Variants in HECW1 observed in about 807,000 individuals in gnomAD.
The protein encoded by HECW1 is HECT, C2 and WW domain containing E3 ubiquitin protein ligase 1, also known as E3 ubiquitin-protein ligase HECW1.
In HECW1, 61 loss-of-function variants were observed where a neutral mutation model predicts 182.3. The ratio of observed to expected loss-of-function variants is 0.33; its 90% CI spans 0.27 to 0.41. HECW1 has a LOEUF of 0.41. Ranked by LOEUF, HECW1 falls within the 10% of genes least tolerant of loss-of-function variation. The pLI, the probability that HECW1 is intolerant of heterozygous loss-of-function variation, is 1.00. For synonymous variants in HECW1, 859 were observed against 832.6 expected, an observed-to-expected ratio of 1.03 and a Z score of -0.55; for missense variants, 1,739 against 2,108.9, an observed-to-expected ratio of 0.82 and a Z score of 3.44.
At chr7:43,368,762 A>G (rs1371029546) in intron 6 of HECW1, among the ~76,000 whole-genome samples, 1 of 152,134 alleles carries the variant, frequency 6.6e-6, no homozygotes. Context: ...CACCTTTCCC[A>G]CCAGCTATGG....
chr7:43,114,524 C>T, intron 2 of HECW1, 133 bp downstream of exon 2: 3 of 785,798 alleles, frequency 3.8e-6, no homozygotes, highest in Non-Finnish European at 5.3e-6. Context: ...GTAGAATTCC[C>T]TGTTGGTAGA....
intron 8 of HECW1, among the ~76,000 whole-genome samples, chr7:43,412,584 C>T (rs944814890): frequency 2.1e-5 from 3 of 143,130 alleles, no homozygotes; most frequent in Non-Finnish European, 4.6e-5. Context: ...GGTATATCTC[C>T]CAATGCTATC....
At chr7:43,522,983 C>T in intron 24 of HECW1, 1 of 431,268 alleles carries the variant, frequency 2.3e-6, no homozygotes, top group Non-Finnish European at 4.6e-6. Flanking sequence ...GTTCTCTTTC[C>T]AAAGGTAGTT....
intron 3 of HECW1, among the ~76,000 whole-genome samples, chr7:43,290,783 C>T (rs1304735249): frequency 6.6e-6 from 1 of 152,196 alleles, no homozygotes; most frequent in Non-Finnish European, 1.5e-5. Context: ...CACATGAGTG[C>T]CCATGGTGGG....
chr7:43,403,438 G>C (rs970851442), intron 7 of HECW1, among the ~76,000 whole-genome samples: 5 of 152,134 alleles, frequency 3.3e-5, no homozygotes, highest in Non-Finnish European at 7.3e-5. Context: ...GCTGTCTCCT[G>C]GTTGGTACTG....
intron 21 of HECW1, among the ~76,000 whole-genome samples, chr7:43,502,082 T>A (rs564612415): frequency 6.6e-6 from 1 of 152,308 alleles, no homozygotes; most frequent in South Asian, 2.1e-4. Flanking sequence ...TGCTCTAAAT[T>A]GTTGCATTCC....
intron 21 of HECW1, among the ~76,000 whole-genome samples, chr7:43,504,948 C>A (rs1448986528): frequency 1.3e-5 from 2 of 152,326 alleles, no homozygotes; most frequent in East Asian, 3.9e-4. Flanking sequence ...ATCCAGCGGG[C>A]AGTTCTCAGC....
intron 3 of HECW1, among the ~76,000 whole-genome samples, chr7:43,275,223 A>G (rs953230798): frequency 6.6e-6 from 1 of 152,220 alleles, no homozygotes; most frequent in Non-Finnish European, 1.5e-5. Context: ...ATACCATAAT[A>G]TGGAATAATG....
At chr7:43,553,585 C>G (rs1563121269) in intron 28 of HECW1, among the ~76,000 whole-genome samples, 1 of 150,542 alleles carries the variant, frequency 6.6e-6, no homozygotes, top group Admixed American at 6.6e-5. Flanking sequence ...AGAAGGATCC[C>G]TTGAACCCGG....
intron 3 of HECW1, among the ~76,000 whole-genome samples, chr7:43,262,241 TGTGTGC>T (rs1239146310): frequency 1.6e-5 from 2 of 126,844 alleles, no homozygotes; most frequent in South Asian, 4.7e-4. Context: ...TATATATGTA[TGTGTGC>T]GTGTGTGTGT....
chr7:43,261,602 A>G (rs903281628), intron 3 of HECW1, among the ~76,000 whole-genome samples: 3 of 152,234 alleles, frequency 2.0e-5, no homozygotes, highest in African/African-American at 4.8e-5. Context: ...CTCCACCCCA[A>G]TTACATGGTA....
chr7:43,262,247 C>CGTGTGTGTGTGTGTGT (rs10695541), intron 3 of HECW1, among the ~76,000 whole-genome samples: 12 of 149,484 alleles, frequency 8.0e-5, no homozygotes, highest in Non-Finnish European at 1.5e-4. Context: ...TGTATGTGTG[C>CGTGTGTGTGTGTGTGT]GTGTGTGTGT....
rs371655287 is a variant in HECW1 at position 43,243,943 on chromosome 7, T to C, written c.27+11T>C. 3.6e-5 allele frequency: 57 copies of C among 1,599,264 alleles called. No individual in the cohort carries two copies. The highest frequency in any genetic ancestry group is 4.3e-5 in the Non-Finnish European group (50 of 1,166,588). On this transcript the variant is annotated intron_variant, in intron 3 of 29. Coordinates refer to ENST00000395891, the MANE Select transcript of HECW1 (RefSeq NM_015052.5). This position sits in a 1 kb window ranked among gnomAD's most constrained non-coding sequence, Gnocchi z 4.0. ...CTGTGTAGTGTGAAGGTCAGTGTGC[T>C]TTTCTGATTATAAGAAACCATCCAT...
chr7:43,435,053 A>C (rs531281581), intron 8 of HECW1, among the ~76,000 whole-genome samples: 31 of 152,074 alleles, frequency 2.0e-4, no homozygotes, highest in African/African-American at 7.2e-4. Flanking sequence ...TATTGTGATC[A>C]TGAATTGTAT....
chr7:43,180,924 A>G (rs190439186), intron 2 of HECW1, among the ~76,000 whole-genome samples: 75 of 152,292 alleles, frequency 4.9e-4, no homozygotes, highest in African/African-American at 1.7e-3. Flanking sequence ...CTACTGTGCA[A>G]TAGAATAGCT....
chr7:43,507,383 C>A (rs2079627960), intron 22 of HECW1, 126 bp downstream of exon 22: 5 of 855,412 alleles, frequency 5.8e-6, no homozygotes, highest in East Asian at 3.0e-5. Flanking sequence ...TGGTCTGAAG[C>A]GGGGGAAGAA....
intron 12 of HECW1, 22 bp downstream of exon 12, chr7:43,450,951 C>A: frequency 6.7e-7 from 1 of 1,492,026 alleles, no homozygotes; most frequent in Non-Finnish European, 9.3e-7. Flanking sequence ...TTTTTAAAAT[C>A]TGTGTCTTAA....
intron 5 of HECW1, among the ~76,000 whole-genome samples, chr7:43,323,832 G>C (rs1180297032): frequency 1.3e-5 from 2 of 151,524 alleles, no homozygotes; most frequent in Non-Finnish European, 2.9e-5. Context: ...GTTCAACCTA[G>C]GGTTTCACCC....
At chr7:43,486,063 G>T (rs1056039202) in intron 17 of HECW1, among the ~76,000 whole-genome samples, 1 of 151,404 alleles carries the variant, frequency 6.6e-6, no homozygotes, top group Non-Finnish European at 1.5e-5. Context: ...CTGTGTCCAT[G>T]TGTTCTCATT....
Sources: gnomAD v4.1 joint callset for allele counts (sites outside exome capture counted in the v4.1 genomes callset) on GRCh38, gnomAD v4.1.1 for gene constraint, Gnocchi (gnomAD v3.1) non-coding constraint, MANE v1.5 for transcripts, NCBI Gene and HGNC (gene_info 2026-07-23, HGNC 2026-07-21) for gene names.